CDH9: variants seen among roughly 807,000 people sequenced by gnomAD.
The protein encoded by CDH9 is cadherin 9.
In CDH9, 28 loss-of-function variants were observed where a neutral mutation model predicts 70.9. The observed-to-expected ratio is 0.40, with a 90% CI of 0.29 to 0.54. CDH9 has a LOEUF of 0.54. Ranked by LOEUF, CDH9 falls within the 20% of genes least tolerant of loss-of-function variation. The pLI is 0.59. For synonymous variants in CDH9, 409 were observed against 343.1 expected, an observed-to-expected ratio of 1.19 and a Z score of -2.12; for missense variants, 874 against 984.4, an observed-to-expected ratio of 0.89 and a Z score of 1.50.
chr5:26,930,779 G>A (rs146995461), intron 2 of CDH9, among the ~76,000 whole-genome samples: 31 of 151,940 alleles, frequency 2.0e-4, no homozygotes, highest in Non-Finnish European at 3.7e-4. Context: ...TTTTAATTAG[G>A]AAAACCATAG....
intron 3 of CDH9, among the ~76,000 whole-genome samples, chr5:26,907,556 ACTAT>A (rs1438792482): frequency 2.0e-5 from 3 of 152,120 alleles, no homozygotes; most frequent in Non-Finnish European, 4.4e-5. Context: ...ATTTAACCTT[ACTAT>A]CTAATTTTAT....
chr5:26,959,657 G>C (rs530901399), intron 2 of CDH9, among the ~76,000 whole-genome samples: 1 of 152,078 alleles, frequency 6.6e-6, no homozygotes, highest in Admixed American at 6.6e-5. Flanking sequence ...TTATACAATG[G>C]AATATTACTC....
chr5:26,912,984 C>T (rs971702700), intron 3 of CDH9, among the ~76,000 whole-genome samples: 3 of 152,018 alleles, frequency 2.0e-5, no homozygotes, highest in East Asian at 1.9e-4. Flanking sequence ...TGCTGCCATC[C>T]GTGTAAGACA....
chr5:26,981,802 C>A (rs2112084858), intron 2 of CDH9, among the ~76,000 whole-genome samples: 1 of 151,886 alleles, frequency 6.6e-6, no homozygotes, highest in South Asian at 2.1e-4. Context: ...AAAAATAAAA[C>A]CAATAAATAG....
intron 2 of CDH9, among the ~76,000 whole-genome samples, chr5:26,967,536 G>A (rs1009869188): frequency 4.6e-5 from 7 of 152,180 alleles, no homozygotes; most frequent in African/African-American, 1.7e-4. Context: ...ATTTATGAAT[G>A]TATTCACTTA....
chr5:26,971,552 C>T (rs570189819), intron 2 of CDH9, among the ~76,000 whole-genome samples: 22 of 152,242 alleles, frequency 1.4e-4, no homozygotes, highest in Middle Eastern at 3.4e-3. Context: ...GTATATGTTG[C>T]TAAAATCAAC....
intron 2 of CDH9, among the ~76,000 whole-genome samples, chr5:26,926,857 CT>C (rs1741348779): frequency 1.3e-5 from 2 of 150,042 alleles, no homozygotes; most frequent in Admixed American, 1.3e-4. Context: ...GGAGGAAGTA[CT>C]TCTAAACTCA....
intron 2 of CDH9, among the ~76,000 whole-genome samples, chr5:26,934,952 C>T (rs1741533478): frequency 6.6e-6 from 1 of 150,648 alleles, no homozygotes; most frequent in African/African-American, 2.4e-5. Context: ...AAAACACAGA[C>T]CAGTGTCTCT....
intron 3 of CDH9, among the ~76,000 whole-genome samples, chr5:26,908,421 G>A (rs1371031229): frequency 6.6e-6 from 1 of 151,926 alleles, no homozygotes; most frequent in African/African-American, 2.4e-5. Flanking sequence ...TTTCACAATT[G>A]GAGGTTATTG....
rs1250585725 is a variant in CDH9, at chr5:26,881,371, A to G, written c.2135T>C (p.Val712Ala). 6.2e-7 allele frequency: 1 copy of G among 1,613,436 alleles called. No individual in the cohort carries two copies. ...RTVPLWENIDVQDFIHRRLKE... is the reference protein window; with the variant it reads ...RTVPLWENIDAQDFIHRRLKE... ...TAATCTTCGATGGATAAAATCTTGT[A>G]CATCAATATTTTCCCACAGAGGCAC... The change falls in exon 12 of 12, where the codon GTA (valine) becomes GCA (alanine). Residue 712 changes from valine (V) to alanine (A), a missense_variant. Physicochemically the swap from Val to Ala is moderately conservative, Grantham distance 64. Transcript: ENST00000231021.
chr5:27,033,330 A>G (rs1311158566), intron 1 of CDH9, among the ~76,000 whole-genome samples: 1 of 151,460 alleles, frequency 6.6e-6, no homozygotes, highest in Non-Finnish European at 1.5e-5. Context: ...TTTTGAATTA[A>G]TTCATTGTGC....
At position 26,902,623 on chromosome 5, in the gene CDH9, A is replaced by G. The variant is rs1469257078; in HGVS notation, c.1106T>C (p.Val369Ala). The G allele has an allele frequency of 6.2e-7, 1 of 1,603,076 alleles. No individual in the cohort carries two copies. Among genetic ancestry groups the G allele is most frequent in the African/African-American group, 1.3e-5 (1 of 74,784 alleles). ...LHLGPFKDTA[V>A]VKISVEDIDE... ...TATATCTTCCACAGATATTTTGACC[A>G]CAGCTGTATCTTTGAAAGGTCCCAG... The change falls in exon 7 of 12, where the codon GTG (valine) becomes GCG (alanine). Residue 369 changes from valine (V) to alanine (A), a missense_variant. By Grantham distance (64) the Val-to-Ala change is moderately conservative. Transcript: ENST00000231021.
intron 1 of CDH9, among the ~76,000 whole-genome samples, chr5:27,030,866 CTAGATA>C (rs1743299462): frequency 1.3e-5 from 2 of 151,610 alleles, no homozygotes; most frequent in South Asian, 4.2e-4. Flanking sequence ...TTCTTTACAT[CTAGATA>C]TAATTATATA....
intron 11 of CDH9, among the ~76,000 whole-genome samples, chr5:26,882,595 T>C (rs2111962945): frequency 6.6e-6 from 1 of 152,138 alleles, no homozygotes; most frequent in African/African-American, 2.4e-5. Flanking sequence ...AAATTTTCCA[T>C]TAAAGATTGC....
chr5:26,949,178 C>G (rs965814282), intron 2 of CDH9, among the ~76,000 whole-genome samples: 7 of 152,150 alleles, frequency 4.6e-5, no homozygotes, highest in Admixed American at 1.3e-4. Context: ...TTTGGCTTAA[C>G]AAGGGCTACC....
intron 2 of CDH9, among the ~76,000 whole-genome samples, chr5:26,925,849 T>G (rs1007788294): frequency 1.2e-4 from 18 of 152,062 alleles, no homozygotes; most frequent in African/African-American, 4.3e-4. Flanking sequence ...TGTCACATGA[T>G]TATCTCAATA....
intron 2 of CDH9, among the ~76,000 whole-genome samples, chr5:26,957,545 C>T (rs1219036392): frequency 6.6e-6 from 1 of 151,846 alleles, no homozygotes; most frequent in African/African-American, 2.4e-5. Context: ...GCCTGTAATC[C>T]CAGTTACTCA....
intron 2 of CDH9, among the ~76,000 whole-genome samples, chr5:26,928,808 G>A (rs189086111): frequency 3.3e-4 from 50 of 152,100 alleles, no homozygotes; most frequent in African/African-American, 1.2e-3. Flanking sequence ...AATGAAACTA[G>A]ACTCCTATCT....
At chr5:27,023,862 G>A (rs890303487) in intron 1 of CDH9, among the ~76,000 whole-genome samples, 2 of 151,792 alleles carry the variant, frequency 1.3e-5, no homozygotes, top group Admixed American at 1.3e-4. Context: ...GACCAGTCTG[G>A]CCAACATGGT....
Sources: allele counts gnomAD v4.1 joint callset (sites outside exome capture counted in the v4.1 genomes callset), GRCh38; gene constraint gnomAD v4.1.1; transcripts MANE v1.5; gene names NCBI Gene and HGNC (gene_info 2026-07-23, HGNC 2026-07-21).